HPSE2: variants seen among roughly 807,000 people sequenced by gnomAD.
HPSE2 encodes the protein heparanase 2 (inactive).
HPSE2 carries 38 observed loss-of-function variants against 60.5 expected under a neutral mutation model. That is an observed-to-expected ratio of 0.63 (90% confidence interval 0.48 to 0.82). HPSE2 has a LOEUF of 0.82. HPSE2 is among the 40% of genes least tolerant of loss of function. The probability of loss-of-function intolerance (pLI) is 0.00; values close to 1 mark genes in which losing one functional copy is unlikely to be tolerated. For missense variants in HPSE2, 713 were observed against 740.4 expected (o/e 0.96, Z 0.43); for synonymous variants, 295 against 293.2 (o/e 1.01, Z -0.06).
chr10:98,595,676 A>G (rs1226053465), intron 9 of HPSE2, among the ~76,000 whole-genome samples: 5 of 152,094 alleles, frequency 3.3e-5, no homozygotes, highest in South Asian at 2.1e-4. Context: ...TTATTTTCCA[A>G]TGTGGATGCT....
At chr10:98,669,614 A>C (rs1274556474) in intron 6 of HPSE2, among the ~76,000 whole-genome samples, 3 of 152,242 alleles carry the variant, frequency 2.0e-5, no homozygotes, top group African/African-American at 7.2e-5. Flanking sequence ...TCCTAAGTGA[A>C]TTAACACAGG....
chr10:98,932,782 C>A (rs1325430335), intron 3 of HPSE2, among the ~76,000 whole-genome samples: 1 of 143,466 alleles, frequency 7.0e-6, no homozygotes, highest in Non-Finnish European at 1.5e-5. Flanking sequence ...TTATAGTATT[C>A]TCTGATGGTT....
At chr10:98,906,820 C>A (rs1037389478) in intron 3 of HPSE2, among the ~76,000 whole-genome samples, 1 of 151,544 alleles carries the variant, frequency 6.6e-6, no homozygotes, top group Non-Finnish European at 1.5e-5. Flanking sequence ...AGGAGAATCA[C>A]GTGAACCTGG....
intron 11 of HPSE2, among the ~76,000 whole-genome samples, chr10:98,479,098 C>T (rs1941134796): frequency 6.6e-6 from 1 of 152,094 alleles, no homozygotes; most frequent in African/African-American, 2.4e-5. Flanking sequence ...CTTCCCAGGC[C>T]CAGTGGCAAT....
chr10:98,543,722 G>C (rs1022024550), intron 9 of HPSE2, among the ~76,000 whole-genome samples: 13 of 152,010 alleles, frequency 8.6e-5, no homozygotes, highest in African/African-American at 3.1e-4. Context: ...AAGATCAAAA[G>C]AGACAAAGAA....
chr10:99,119,296 C>A (rs748720055), intron 3 of HPSE2, among the ~76,000 whole-genome samples: 4 of 151,994 alleles, frequency 2.6e-5, no homozygotes, highest in Non-Finnish European at 5.9e-5. Context: ...ATTGCTACAC[C>A]AACAGTCAAC....
chr10:99,000,653 T>C (rs1213857636), intron 3 of HPSE2, among the ~76,000 whole-genome samples: 2 of 152,146 alleles, frequency 1.3e-5, no homozygotes, highest in East Asian at 3.9e-4. Context: ...GGCAAGTAAT[T>C]AGGAAAATGC....
chr10:99,101,490 A>T (rs1266671119), intron 3 of HPSE2, among the ~76,000 whole-genome samples: 1 of 152,338 alleles, frequency 6.6e-6, no homozygotes, highest in African/African-American at 2.4e-5. Flanking sequence ...TTCACAAAGC[A>T]AGTCCTTAGA....
chr10:98,939,650 A>G (rs568139505), intron 3 of HPSE2, among the ~76,000 whole-genome samples: 1 of 143,612 alleles, frequency 7.0e-6, no homozygotes, highest in Non-Finnish European at 1.5e-5. Context: ...TTAACACCCC[A>G]CTGTCAACAT....
At chr10:98,685,559 T>C (rs907688779) in intron 6 of HPSE2, among the ~76,000 whole-genome samples, 2 of 152,218 alleles carry the variant, frequency 1.3e-5, no homozygotes, top group Non-Finnish European at 2.9e-5. Flanking sequence ...GATTCATCCA[T>C]GTTGTGGCAC....
At chr10:99,225,462 C>T (rs192165797) in intron 2 of HPSE2, among the ~76,000 whole-genome samples, 32 of 152,192 alleles carry the variant, frequency 2.1e-4, no homozygotes, top group Non-Finnish European at 4.3e-4. Context: ...CCTACATTTA[C>T]TCTACAAAAG....
intron 3 of HPSE2, among the ~76,000 whole-genome samples, chr10:99,131,857 T>C (rs1321492945): frequency 6.6e-6 from 1 of 151,906 alleles, no homozygotes. Flanking sequence ...CATGTCTGTA[T>C]TCCCAGCACT....
intron 9 of HPSE2, among the ~76,000 whole-genome samples, chr10:98,556,716 G>T (rs1944018058): frequency 6.6e-6 from 1 of 152,186 alleles, no homozygotes; most frequent in South Asian, 2.1e-4. Context: ...ACTCAATGTT[G>T]TAAAGATGTT....
At chr10:98,837,744 G>A (rs1349412744) in intron 3 of HPSE2, among the ~76,000 whole-genome samples, 1 of 151,996 alleles carries the variant, frequency 6.6e-6, no homozygotes, top group East Asian at 1.9e-4. Flanking sequence ...CGTGGTGGCG[G>A]GCGCCTGCAG....
chr10:98,874,944 A>G (rs1056728973), intron 3 of HPSE2, among the ~76,000 whole-genome samples: 1 of 152,100 alleles, frequency 6.6e-6, no homozygotes, highest in Non-Finnish European at 1.5e-5. Context: ...CTAGCCTTGC[A>G]TCCCAAGGAT....
At chr10:99,081,647 T>C (rs945484952) in intron 3 of HPSE2, among the ~76,000 whole-genome samples, 22 of 151,946 alleles carry the variant, frequency 1.4e-4, no homozygotes, top group African/African-American at 4.6e-4. Flanking sequence ...TTTTTATTTT[T>C]TTTTTTAAAG....
At chr10:98,986,913 G>C (rs1437326250) in intron 3 of HPSE2, among the ~76,000 whole-genome samples, 1 of 152,068 alleles carries the variant, frequency 6.6e-6, no homozygotes, top group Non-Finnish European at 1.5e-5. Flanking sequence ...TAAATTTCTC[G>C]GCACATAAAC....
chr10:98,648,608 T>C (rs758617224), intron 6 of HPSE2, among the ~76,000 whole-genome samples: 11 of 151,824 alleles, frequency 7.2e-5, no homozygotes, highest in Admixed American at 2.6e-4. Context: ...AGCGAGACCC[T>C]CGTCTCTACA....
In HPSE2 at chr10:98,938,106, G is replaced by C. The variant is rs1240819541; in HGVS notation, c.611-194050C>G. Among the ~76,000 whole-genome samples, 2 of 143,000 alleles carry C rather than the reference G, an allele frequency of 1.4e-5. 1 individual carries two copies. Among genetic ancestry groups the C allele is most frequent in the Non-Finnish European group, 3.0e-5 (2 of 67,048 alleles). The allele number at this position is 143,000 out of a possible 152,430, so 93.8% of individuals were successfully genotyped here. On this transcript the variant is annotated intron_variant, in intron 3 of 11. Transcript: ENST00000370552. The stretch of plus-strand genomic sequence containing the variant: ...CCATCTGTACATCACCATCATCAAA[G>C]ACCAAAAGTAGATAAAACCACAAAG...
Sources: allele counts gnomAD v4.1 joint callset (sites outside exome capture counted in the v4.1 genomes callset), GRCh38; gene constraint gnomAD v4.1.1; transcripts MANE v1.5; gene names NCBI Gene and HGNC (gene_info 2026-07-23, HGNC 2026-07-21).